MIPOL1: variants seen among roughly 807,000 people sequenced by gnomAD.
The protein encoded by MIPOL1 is mirror-image polydactyly 1, also known as mirror-image polydactyly gene 1 protein.
MIPOL1 carries 57 observed loss-of-function variants against 60.9 expected under a neutral mutation model. That is an observed-to-expected ratio of 0.94 (90% CI 0.76 to 1.17). The LOEUF (loss-of-function observed/expected upper bound fraction) is 1.17. Among genes scored for constraint, MIPOL1 ranks in the 50% most tolerant of loss-of-function variants. The pLI, the probability that MIPOL1 is intolerant of heterozygous loss-of-function variation, is 0.00. For synonymous variants in MIPOL1, 179 were observed against 168.8 expected (o/e 1.06, Z -0.47); for missense variants, 551 against 511.6 (o/e 1.08, Z -0.74).
At chr14:37,292,977 C>A (rs1271806867) in intron 7 of MIPOL1, among the ~76,000 whole-genome samples, 1 of 152,056 alleles carries the variant, frequency 6.6e-6, no homozygotes, top group African/African-American at 2.4e-5. Flanking sequence ...TGGTGCCAAG[C>A]ATTAAGGGTT....
intron 1 of MIPOL1, among the ~76,000 whole-genome samples, chr14:37,219,366 A>T (rs541340068): frequency 6.6e-6 from 1 of 152,016 alleles, no homozygotes; most frequent in Non-Finnish European, 1.5e-5. Flanking sequence ...CTTTTTATTT[A>T]TTTTTTATGT....
intron 1 of MIPOL1, among the ~76,000 whole-genome samples, chr14:37,210,340 G>A (rs1029182395): frequency 2.0e-5 from 3 of 151,734 alleles, no homozygotes; most frequent in Non-Finnish European, 2.9e-5. Flanking sequence ...ACAAGTTAGC[G>A]TTCCCATTAC....
intron 10 of MIPOL1, among the ~76,000 whole-genome samples, chr14:37,372,219 G>T (rs1595458638): frequency 6.6e-6 from 1 of 151,834 alleles, no homozygotes; most frequent in East Asian, 1.9e-4. Flanking sequence ...TATATTTGGG[G>T]GAATACAATC....
intron 3 of MIPOL1, among the ~76,000 whole-genome samples, chr14:37,249,270 TC>T (rs1382757337): frequency 6.6e-6 from 1 of 152,150 alleles, no homozygotes; most frequent in African/African-American, 2.4e-5. Context: ...CTTTTTTGGT[TC>T]CCCTTCCCCC....
At chr14:37,476,893 G>GT in intron 11 of MIPOL1, among the ~76,000 whole-genome samples, 1 of 131,768 alleles carries the variant, frequency 7.6e-6, no homozygotes, top group Admixed American at 7.6e-5. Context: ...TTCTTGTAAT[G>GT]TCTTTTTTTT....
rs533125652 is a variant in MIPOL1, at chr14:37,249,027, T to C, written c.19+1120T>C. Reference sequence around the variant, plus strand: ...ATGGATGGATGGATGGGTAGATGGATGGACGGACAGTCAGATAGATAAGAG... The same window carrying C: ...ATGGATGGATGGATGGGTAGATGGACGGACGGACAGTCAGATAGATAAGAG... On this transcript the variant is annotated intron_variant, in intron 3 of 12. Coordinates refer to ENST00000684589, the MANE Select transcript of MIPOL1 (RefSeq NM_001388067.1). 5.9e-5 allele frequency among the ~76,000 whole-genome samples: 9 copies of C among 152,016 alleles called. No homozygotes were observed. In the South Asian group the frequency reaches 1.5e-3, roughly 25 times the overall value.
chr14:37,510,402 T>C lies in MIPOL1; in HGVS notation c.1262+10264T>C, dbSNP rs112868801. ...GCCAATATTTTTGGTGTTTTTTTTG[T>C]TTTGTTTTGTTTTTGGTAGAGATGA... On this transcript the variant is annotated intron_variant, in intron 12 of 12. Coordinates refer to ENST00000684589, the MANE Select transcript of MIPOL1 (RefSeq NM_001388067.1). Among the ~76,000 whole-genome samples the C allele has an allele frequency of 8.5e-3, 1,287 of 151,774 alleles. 20 individuals carry two copies. The highest frequency in any genetic ancestry group is 0.029 in the African/African-American group (1,182 of 41,228).
At chr14:37,283,370 C>T (rs2084287230) in intron 6 of MIPOL1, among the ~76,000 whole-genome samples, 1 of 151,918 alleles carries the variant, frequency 6.6e-6, no homozygotes, top group African/African-American at 2.4e-5. Context: ...CCTGGCGCCT[C>T]ATGCTGTTTT....
Position 37,315,432 on chromosome 14 carries a change from A to G in MIPOL1, c.828+6913A>G, listed in dbSNP as rs533728985. Among the ~76,000 whole-genome samples, 3 of 152,360 alleles carry G rather than the reference A, an allele frequency of 2.0e-5. No individual in the cohort carries two copies. The East Asian group carries it at 5.8e-4, about 29-fold the overall frequency. On this transcript the variant is annotated intron_variant, in intron 9 of 12. Transcript: ENST00000684589. ...AGCAGATATTGCATCTAAATGCAGA[A>G]GGGACTGAAAGAAAAAAGCTGTTGA...
intron 3 of MIPOL1, among the ~76,000 whole-genome samples, chr14:37,257,896 A>G (rs1975228393): frequency 6.6e-6 from 1 of 152,178 alleles, no homozygotes; most frequent in African/African-American, 2.4e-5. Context: ...GCAACAATCC[A>G]GACGAGAGAT....
At chr14:37,511,942 G>A (rs1419352517) in intron 12 of MIPOL1, among the ~76,000 whole-genome samples, 1 of 152,080 alleles carries the variant, frequency 6.6e-6, no homozygotes, top group Non-Finnish European at 1.5e-5. Flanking sequence ...AGATTTGTAA[G>A]AAAAGATGTA....
intron 9 of MIPOL1, among the ~76,000 whole-genome samples, chr14:37,322,425 A>G (rs1158090848): frequency 6.6e-6 from 1 of 151,966 alleles, no homozygotes; most frequent in African/African-American, 2.4e-5. Context: ...TGAGAAAGTC[A>G]TGTTTGACAT....
chr14:37,518,128 C>T (rs2095384474), intron 12 of MIPOL1, among the ~76,000 whole-genome samples: 1 of 152,040 alleles, frequency 6.6e-6, no homozygotes, highest in South Asian at 2.1e-4. Flanking sequence ...AACAGAAATA[C>T]ATGCAAAGAA....
intron 9 of MIPOL1, among the ~76,000 whole-genome samples, chr14:37,313,488 C>T (rs1468683260): frequency 1.3e-5 from 2 of 152,092 alleles, no homozygotes; most frequent in Admixed American, 1.3e-4. Context: ...TGATTGGACC[C>T]TTGCTGGTAC....
chr14:37,496,812 G>A (rs1189534242), intron 11 of MIPOL1, among the ~76,000 whole-genome samples: 11 of 151,354 alleles, frequency 7.3e-5, no homozygotes, highest in East Asian at 1.9e-4. Flanking sequence ...TTTAAAGTTC[G>A]TATGGAACCA....
At chr14:37,458,817 A>G (rs1385574445) in intron 11 of MIPOL1, among the ~76,000 whole-genome samples, 2 of 151,920 alleles carry the variant, frequency 1.3e-5, no homozygotes, top group East Asian at 3.9e-4. Context: ...GTGCCGCTGC[A>G]CTCCAGCCTG....
chr14:37,215,321 G>C (rs758610957), intron 1 of MIPOL1, among the ~76,000 whole-genome samples: 2 of 151,944 alleles, frequency 1.3e-5, no homozygotes, highest in Admixed American at 1.3e-4. Flanking sequence ...TCTGTGTCTT[G>C]GTGGTAGTGG....
At position 37,382,568 on chromosome 14, in the gene MIPOL1, C is replaced by T. The variant is rs187859812; in HGVS notation, c.936+12944C>T. Among the ~76,000 whole-genome samples, 269 of 152,020 alleles carry T rather than the reference C, an allele frequency of 1.8e-3. 1 individual carries two copies. The highest frequency in any genetic ancestry group is 2.9e-3 in the Non-Finnish European group (198 of 67,894). ...ACATGAGTATTGACGTTTAGACATACGGTTTTTACCAGTTCATCTAAAGAA... is the reference window on the plus strand; with the variant it reads ...ACATGAGTATTGACGTTTAGACATATGGTTTTTACCAGTTCATCTAAAGAA... On this transcript the variant is annotated intron_variant, in intron 10 of 12. Transcript: ENST00000684589.
intron 1 of MIPOL1, among the ~76,000 whole-genome samples, chr14:37,226,147 A>G (rs144673919): frequency 6.6e-6 from 1 of 152,086 alleles, no homozygotes; most frequent in East Asian, 1.9e-4. Flanking sequence ...ACTTTCCCAC[A>G]TTTTCCTGTC....
Sources: gnomAD v4.1 joint callset for allele counts (sites outside exome capture counted in the v4.1 genomes callset) on GRCh38, gnomAD v4.1.1 for gene constraint, MANE v1.5 for transcripts, NCBI Gene and HGNC (gene_info 2026-07-23, HGNC 2026-07-21) for gene names.